The following CC2D2B variants were observed in gnomAD, a reference collection of about 807,000 sequenced individuals.
CC2D2B encodes the protein protein CC2D2B.
A neutral mutation model predicts 161.2 loss-of-function variants in CC2D2B; 128 were observed. That is an observed-to-expected ratio of 0.79 (90% confidence interval 0.69 to 0.92). The LOEUF (loss-of-function observed/expected upper bound fraction) is 0.92. Ranked by LOEUF, CC2D2B falls within the 40% of genes least tolerant of loss-of-function variation. The pLI, the probability that CC2D2B is intolerant of heterozygous loss-of-function variation, is 0.00. For missense variants in CC2D2B, 1,173 were observed against 1,375.1 expected (o/e 0.85, Z 2.32); for synonymous variants, 391 against 449.8 (o/e 0.87, Z 1.65).
intron 5 of CC2D2B, 32 bp downstream of exon 5, chr10:95,924,876 A>G (rs1180998872): frequency 7.3e-7 from 1 of 1,372,316 alleles, no homozygotes; most frequent in Admixed American, 2.0e-5. Flanking sequence ...TTACTTTTTA[A>G]AACAGCTTTA....
rs546988909 is a variant in CC2D2B at position 95,996,437 on chromosome 10, T to C, written c.2849+185T>C. On this transcript the variant is annotated intron_variant, in intron 24 of 34. Coordinates refer to ENST00000646931, the MANE Select transcript of CC2D2B (RefSeq NM_001349008.3). ...TATAGCATAATATATAATCTATATG[T>C]ATATATAAACATAAGTTCTAAAGAA... is the stretch of plus-strand genomic sequence containing the variant. 1.4e-3 allele frequency among the ~76,000 whole-genome samples: 213 copies of C among 152,312 alleles called. 1 individual carries two copies. The highest frequency in any genetic ancestry group is 4.9e-3 in the African/African-American group (203 of 41,582).
intron 14 of CC2D2B, among the ~76,000 whole-genome samples, chr10:95,966,564 T>C (rs1356595532): frequency 2.0e-5 from 3 of 151,996 alleles, no homozygotes; most frequent in Non-Finnish European, 4.4e-5. Flanking sequence ...CATAAACCAG[T>C]TTGGTGTTCT....
At position 95,982,028 on chromosome 10, in the gene CC2D2B, A is replaced by G; in HGVS notation, c.1997A>G (p.Asn666Ser). Residue 666 changes from asparagine (N) to serine (S), a missense_variant, in exon 18 of 35, where the codon AAT becomes AGT. Transcript: ENST00000646931. Reference sequence around the variant, plus strand: ...GTTCCTGGAATTCCATGGCTCATGAATGAACAGAAGCTTTTTGAATGGGCA... The same window carrying G: ...GTTCCTGGAATTCCATGGCTCATGAGTGAACAGAAGCTTTTTGAATGGGCA... ...RSVPGIPWLM[N>S]EQKLFEWANE... 1 of 1,230,742 alleles carries G rather than the reference A, an allele frequency of 8.1e-7. No homozygotes were observed. The highest frequency in any genetic ancestry group is 1.0e-6 in the Non-Finnish European group (1 of 986,736). The allele number at this position is 1,230,742 out of a possible 1,614,324, so 76.2% of individuals were successfully genotyped here.
chr10:95,944,061 T>C (rs1226131414), intron 9 of CC2D2B, among the ~76,000 whole-genome samples: 1 of 152,208 alleles, frequency 6.6e-6, no homozygotes, highest in African/African-American at 2.4e-5. Context: ...GCTTGTTTTA[T>C]AATTTATTGC....
intron 1 of CC2D2B, among the ~76,000 whole-genome samples, chr10:95,910,576 C>G (rs1317524850): frequency 6.6e-6 from 1 of 152,200 alleles, no homozygotes; most frequent in Admixed American, 6.5e-5. Context: ...TATCCACCCC[C>G]ACAATCCAAT....
At chr10:95,998,903 G>C (rs1269120151) in intron 24 of CC2D2B, among the ~76,000 whole-genome samples, 1 of 152,016 alleles carries the variant, frequency 6.6e-6, no homozygotes, top group Non-Finnish European at 1.5e-5. Flanking sequence ...ATCACTAGAG[G>C]TCAAGAGTTT....
chr10:95,993,849 T>G (rs377467404), intron 22 of CC2D2B, among the ~76,000 whole-genome samples: 2,708 of 101,684 alleles, frequency 0.027, 78 homozygotes, highest in African/African-American at 0.063. Flanking sequence ...TATATATATA[T>G]ATAGAGAGAG....
chr10:96,025,186 A>ATATAT (rs1564684253), intron 33 of CC2D2B, among the ~76,000 whole-genome samples: 2 of 41,364 alleles, frequency 4.8e-5, no homozygotes, highest in South Asian at 8.5e-4. Context: ...TATATATATA[A>ATATAT]AAAAAAATAT....
At chr10:95,947,404 C>T (rs2076258330) in intron 9 of CC2D2B, among the ~76,000 whole-genome samples, 2 of 151,080 alleles carry the variant, frequency 1.3e-5, no homozygotes, top group Admixed American at 1.3e-4. Flanking sequence ...TATGAGCCAC[C>T]ACACTCGGCC....
At chr10:95,968,665 C>T (rs2077022848) in intron 14 of CC2D2B, 59 bp from the exon 15 acceptor site, 1 of 650,326 alleles carries the variant, frequency 1.5e-6, no homozygotes, top group Non-Finnish European at 2.2e-6. Context: ...TTTGAAAGAA[C>T]AATATGTTAT....
Position 96,019,758 on chromosome 10 carries a change from A to C in CC2D2B, c.3822A>C (p.Ser1274=), listed in dbSNP as rs776164344. The C allele has an allele frequency of 4.5e-5, 72 of 1,604,386 alleles. No homozygotes were observed. Among genetic ancestry groups the C allele is most frequent in the Non-Finnish European group, 5.9e-5 (70 of 1,177,270 alleles). The change falls in exon 32 of 35, where the codon TCA becomes TCC. Residue 1274 remains serine (S), a synonymous_variant. Transcript: ENST00000646931. ...NTPMAVFFDY[S]KESFWKQLLP... ...CAATGGCTGTATTTTTTGACTATTCAAAGGAAAGTTTCTGGAAGCAGTTGC... is the reference window on the plus strand; with the variant it reads ...CAATGGCTGTATTTTTTGACTATTCCAAGGAAAGTTTCTGGAAGCAGTTGC...
At chr10:96,029,817 G>T (rs936777544) in intron 34 of CC2D2B, among the ~76,000 whole-genome samples, 6 of 144,768 alleles carry the variant, frequency 4.1e-5, no homozygotes, top group African/African-American at 7.6e-5. Context: ...TTGTTGTTTT[G>T]TTTTTTTTTT....
chr10:95,936,069 C>T (rs1025000364), intron 6 of CC2D2B, among the ~76,000 whole-genome samples: 5 of 152,142 alleles, frequency 3.3e-5, no homozygotes, highest in African/African-American at 1.2e-4. Context: ...AAAACAAAAG[C>T]GGGCCGTGTC....
intron 19 of CC2D2B, among the ~76,000 whole-genome samples, chr10:95,984,280 A>C (rs1342528838): frequency 5.3e-5 from 8 of 152,308 alleles, no homozygotes; most frequent in African/African-American, 1.7e-4. Flanking sequence ...GCACACTATC[A>C]AATAAGGCTA....
rs1157424486 is a variant in CC2D2B, at chr10:95,995,265, G to T, written c.2643-4G>T. ...TGTATGTCTCTCTATTGTTTTTCCT[G>T]AAGATCCTTGGATATGCCTACTTGT... is the stretch of plus-strand genomic sequence containing the variant. On this transcript the variant is annotated splice_polypyrimidine_tract_variant and splice_region_variant and intron_variant, in intron 22 of 34. Coordinates refer to ENST00000646931, the MANE Select transcript of CC2D2B (RefSeq NM_001349008.3). 1.3e-6 allele frequency: 2 copies of T among 1,499,338 alleles called. No homozygotes were observed. Among genetic ancestry groups the T allele is most frequent in the East Asian group, 4.9e-5 (2 of 40,544 alleles). The allele number at this position is 1,499,338 out of a possible 1,614,324, so 92.9% of individuals were successfully genotyped here. A position where few individuals can be genotyped will look rare whatever the true frequency, so the allele number is the denominator to read the frequency against.
chr10:95,945,239 T>G (rs1003049044), intron 9 of CC2D2B, among the ~76,000 whole-genome samples: 13 of 152,214 alleles, frequency 8.5e-5, no homozygotes, highest in African/African-American at 3.1e-4. Flanking sequence ...CCTTAACAGA[T>G]CATGTCCTAG....
At chr10:95,937,732 G>C (rs1002744086) in intron 6 of CC2D2B, among the ~76,000 whole-genome samples, 1 of 152,062 alleles carries the variant, frequency 6.6e-6, no homozygotes, top group African/African-American at 2.4e-5. Flanking sequence ...CCATAGGGGA[G>C]GAAGGGCTAT....
intron 9 of CC2D2B, among the ~76,000 whole-genome samples, chr10:95,947,113 A>ATATATTTTTTT (rs1289243570): frequency 4.1e-5 from 2 of 48,386 alleles, no homozygotes; most frequent in African/African-American, 1.9e-4. Context: ...ATATATATAT[A>ATATATTTTTTT]TTTTTTTTTT....
intron 33 of CC2D2B, among the ~76,000 whole-genome samples, chr10:96,025,173 ATATAT>A (rs1338623110): frequency 0.02 from 562 of 27,432 alleles, 45 homozygotes; most frequent in East Asian, 0.17. Context: ...ATATATATAT[ATATAT>A]ATATATAAAA....
Sources: allele counts gnomAD v4.1 joint callset (sites outside exome capture counted in the v4.1 genomes callset), GRCh38; gene constraint gnomAD v4.1.1; transcripts MANE v1.5; gene names NCBI Gene and HGNC (gene_info 2026-07-23, HGNC 2026-07-21).